Variants in TLN2 observed in about 807,000 individuals in gnomAD.
TLN2 encodes talin-2.
TLN2 carries 118 observed loss-of-function variants against 294.7 expected under a neutral mutation model. The ratio of observed to expected loss-of-function variants is 0.40; its 90% CI spans 0.34 to 0.47. The LOEUF (loss-of-function observed/expected upper bound fraction) is 0.47. Among genes scored for constraint, TLN2 ranks in the 20% least tolerant of loss-of-function variants. The probability of loss-of-function intolerance (pLI) is 0.84; values close to 1 mark genes in which losing one functional copy is unlikely to be tolerated. For synonymous variants in TLN2, 1,431 were observed against 1,304.5 expected, an observed-to-expected ratio of 1.10 and a Z score of -2.09; for missense variants, 3,083 against 3,282.2, an observed-to-expected ratio of 0.94 and a Z score of 1.48.
rs532813916 is a variant in TLN2 at position 62,633,495 on chromosome 15, G to C, written c.-36-13780G>C. Among the ~76,000 whole-genome samples the C allele has an allele frequency of 2.6e-5, 4 of 152,242 alleles. No homozygotes were observed. In the South Asian group the frequency reaches 8.3e-4, roughly 32 times the overall value. On this transcript the variant is annotated intron_variant, in intron 3 of 58. Transcript: ENST00000636159. ...TATTTAAAAAATTTGTGTAGAGACAGAGTCTTGCTATGTTGCCCAGGCTGG... is the reference window on the plus strand; with the variant it reads ...TATTTAAAAAATTTGTGTAGAGACACAGTCTTGCTATGTTGCCCAGGCTGG...
chr15:62,649,384 C>T (rs1302541748), intron 4 of TLN2, among the ~76,000 whole-genome samples: 2 of 151,972 alleles, frequency 1.3e-5, no homozygotes, highest in Non-Finnish European at 2.9e-5. Context: ...TTCTAAGAAA[C>T]AGCAGGAGCT....
At chr15:62,721,631 C>A (rs1323717139) in intron 25 of TLN2, among the ~76,000 whole-genome samples, 1 of 151,946 alleles carries the variant, frequency 6.6e-6, no homozygotes. Context: ...TATGTATGCT[C>A]TTTGATCCAG....
rs775090894 is a variant in TLN2 at position 62,508,979 on chromosome 15, T to C, written c.-237-80708T>C. 4.9e-4 allele frequency among the ~76,000 whole-genome samples: 75 copies of C among 152,232 alleles called. 5 individuals are homozygous for C. Among genetic ancestry groups the C allele is most frequent in the Non-Finnish European group, 8.8e-5 (6 of 68,046 alleles). On this transcript the variant is annotated intron_variant, in intron 1 of 58. Coordinates refer to ENST00000636159, the MANE Select transcript of TLN2 (RefSeq NM_015059.3). ...TTTACTATAAGCCAGCCTGTAATCTTAGTGTTTTACTTATTTAGCTTCCTA... is the reference window on the plus strand; with the variant it reads ...TTTACTATAAGCCAGCCTGTAATCTCAGTGTTTTACTTATTTAGCTTCCTA...
chr15:62,672,991 A>G (rs1032581572), intron 9 of TLN2, among the ~76,000 whole-genome samples: 2 of 151,878 alleles, frequency 1.3e-5, no homozygotes, highest in African/African-American at 4.8e-5. Context: ...TTGGTTCCTA[A>G]CAGCAACCAT....
intron 2 of TLN2, among the ~76,000 whole-genome samples, chr15:62,606,120 C>T (rs147812695): frequency 1.3e-5 from 2 of 152,044 alleles, no homozygotes; most frequent in Non-Finnish European, 1.5e-5. Flanking sequence ...CTCACTCTGT[C>T]GCCCAGGCTG....
chr15:62,472,989 T>C (rs1463123693), intron 1 of TLN2, among the ~76,000 whole-genome samples: 2 of 152,146 alleles, frequency 1.3e-5, no homozygotes, highest in Non-Finnish European at 2.9e-5. Flanking sequence ...GGTGCCTTAA[T>C]GAGACTGTTC....
At chr15:62,665,283 C>G (rs1596567414) in intron 9 of TLN2, among the ~76,000 whole-genome samples, 1 of 152,092 alleles carries the variant, frequency 6.6e-6, no homozygotes, top group Non-Finnish European at 1.5e-5. Flanking sequence ...CTCCTGGGTT[C>G]AAGCGATCCA....
At chr15:62,780,152 G>GA in intron 43 of TLN2, among the ~76,000 whole-genome samples, 1 of 152,302 alleles carries the variant, frequency 6.6e-6, no homozygotes, top group South Asian at 2.1e-4. Flanking sequence ...CTCCTGTTCA[G>GA]GTCAGGATGA....
intron 32 of TLN2, among the ~76,000 whole-genome samples, chr15:62,746,423 C>T (rs897975464): frequency 2.0e-5 from 3 of 152,116 alleles, no homozygotes; most frequent in African/African-American, 4.8e-5. Context: ...CCATAGAGAG[C>T]GCAGTGTTTC....
chr15:62,403,911 A>C (rs781526209), intron 1 of TLN2, among the ~76,000 whole-genome samples: 3 of 152,144 alleles, frequency 2.0e-5, no homozygotes, highest in Non-Finnish European at 4.4e-5. Context: ...CTTATTGTCT[A>C]TCTCACTGCA....
intron 3 of TLN2, chr15:62,638,703 G>C (rs1357902003): frequency 2.2e-6 from 1 of 445,482 alleles, no homozygotes; most frequent in Non-Finnish European, 4.5e-6. Context: ...TCTTGGTGGA[G>C]GGTAGAAATG....
chr15:62,481,228 T>C (rs902485086), intron 1 of TLN2, among the ~76,000 whole-genome samples: 30 of 151,908 alleles, frequency 2.0e-4, no homozygotes, highest in African/African-American at 6.5e-4. Context: ...TTTCTTTTTT[T>C]TTTCTCTTGC....
chr15:62,812,450 T>C (rs1265716694), intron 52 of TLN2, among the ~76,000 whole-genome samples: 1 of 152,220 alleles, frequency 6.6e-6, no homozygotes, highest in Non-Finnish European at 1.5e-5. Flanking sequence ...TGCAGCTTTA[T>C]GTCTGACACG....
At chr15:62,512,316 A>G (rs2039975205) in intron 1 of TLN2, among the ~76,000 whole-genome samples, 1 of 152,028 alleles carries the variant, frequency 6.6e-6, no homozygotes, top group Admixed American at 6.6e-5. Flanking sequence ...GAAGAGGCTC[A>G]CTTCTGGACC....
intron 9 of TLN2, among the ~76,000 whole-genome samples, chr15:62,662,258 A>G (rs927441106): frequency 7.9e-5 from 12 of 152,170 alleles, no homozygotes; most frequent in African/African-American, 2.4e-4. Context: ...AGGAAAATTT[A>G]GAAAAAATGG....
chr15:62,508,462 G>T (rs910847453), intron 1 of TLN2, among the ~76,000 whole-genome samples: 9 of 152,012 alleles, frequency 5.9e-5, no homozygotes, highest in Non-Finnish European at 8.8e-5. Context: ...TGATCCACCC[G>T]CCTCGGCCTC....
intron 11 of TLN2, among the ~76,000 whole-genome samples, chr15:62,677,864 C>T (rs1402163522): frequency 1.7e-5 from 2 of 116,466 alleles, no homozygotes; most frequent in East Asian, 3.0e-4. Context: ...GGCACGATCT[C>T]GGCTCACCAC....
chr15:62,748,987 A>G (rs1413532874), intron 33 of TLN2, among the ~76,000 whole-genome samples: 2 of 152,220 alleles, frequency 1.3e-5, no homozygotes, highest in East Asian at 1.9e-4. Context: ...GGTGCTTTTC[A>G]TTTTATATTC....
intron 34 of TLN2, among the ~76,000 whole-genome samples, chr15:62,751,060 T>A (rs1290384353): frequency 6.6e-6 from 1 of 152,148 alleles, no homozygotes; most frequent in Non-Finnish European, 1.5e-5. Flanking sequence ...ACCCTGCTCC[T>A]ATCTTAACCT....
Sources: allele counts gnomAD v4.1 joint callset (sites outside exome capture counted in the v4.1 genomes callset), GRCh38; gene constraint gnomAD v4.1.1; transcripts MANE v1.5; gene names NCBI Gene and HGNC (gene_info 2026-07-23, HGNC 2026-07-21).